The following PTPRT variants were observed in gnomAD, a reference collection of about 807,000 sequenced individuals.
PTPRT encodes the protein protein tyrosine phosphatase receptor type T.
In PTPRT, 56 loss-of-function variants were observed where a neutral mutation model predicts 176.8. That is an observed-to-expected ratio of 0.32 (90% CI 0.26 to 0.40). The LOEUF (loss-of-function observed/expected upper bound fraction) is 0.40. PTPRT is among the 10% of genes least tolerant of loss of function. The pLI is 1.00. For missense variants in PTPRT, 1,540 were observed against 1,908.2 expected (o/e 0.81, Z 3.60); for synonymous variants, 783 against 739.0 (o/e 1.06, Z -0.96).
intron 7 of PTPRT, among the ~76,000 whole-genome samples, chr20:42,594,426 C>T (rs1245450414): frequency 2.0e-5 from 3 of 152,210 alleles, no homozygotes; most frequent in East Asian, 1.9e-4. Context: ...TTGTAATGTT[C>T]GTTCTCTTTC....
chr20:42,055,353 T>A, the PTPRT span, among the ~76,000 whole-genome samples: 1 of 152,244 alleles, frequency 6.6e-6, no homozygotes, highest in Non-Finnish European at 1.5e-5. Context: ...TGCATTCTTT[T>A]GATGACTTAA....
intron 7 of PTPRT, among the ~76,000 whole-genome samples, chr20:42,487,851 T>C (rs1353356520): frequency 6.6e-6 from 1 of 152,216 alleles, no homozygotes; most frequent in Non-Finnish European, 1.5e-5. Flanking sequence ...ATTGCTCTGC[T>C]TATTTCTGTA....
At chr20:42,353,631 A>G (rs951049014) in intron 9 of PTPRT, among the ~76,000 whole-genome samples, 11 of 152,232 alleles carry the variant, frequency 7.2e-5, no homozygotes, top group African/African-American at 2.7e-4. Context: ...GGGTGAAAAT[A>G]ACAATTGGTA....
At chr20:42,845,252 GA>G (rs2078349158) in intron 2 of PTPRT, among the ~76,000 whole-genome samples, 1 of 151,478 alleles carries the variant, frequency 6.6e-6, no homozygotes, top group East Asian at 2.0e-4. Flanking sequence ...CCAGACTGGG[GA>G]AAGCTAAAGG....
At chr20:42,751,652 A>C (rs2076771749) in intron 6 of PTPRT, among the ~76,000 whole-genome samples, 1 of 152,154 alleles carries the variant, frequency 6.6e-6, no homozygotes, top group Non-Finnish European at 1.5e-5. Context: ...AAGGTGAAAG[A>C]AGCGGACTTG....
chr20:42,478,106 G>A (rs964047499), intron 7 of PTPRT, among the ~76,000 whole-genome samples: 18 of 152,216 alleles, frequency 1.2e-4, no homozygotes, highest in Non-Finnish European at 2.2e-4. Context: ...GATGGCCAAA[G>A]GATGGCTGTC....
At chr20:42,749,306 C>A (rs2076736427) in intron 6 of PTPRT, among the ~76,000 whole-genome samples, 1 of 152,148 alleles carries the variant, frequency 6.6e-6, no homozygotes, top group African/African-American at 2.4e-5. Context: ...CTCAGTGTCT[C>A]AAAACTAACC....
chr20:42,350,967 A>G (rs995723413), intron 10 of PTPRT, among the ~76,000 whole-genome samples: 11 of 152,250 alleles, frequency 7.2e-5, no homozygotes, highest in Non-Finnish European at 1.3e-4. Flanking sequence ...TCTGTCGAGT[A>G]ACCTGCATGA....
chr20:43,031,786 T>C (rs1483903878), intron 1 of PTPRT, among the ~76,000 whole-genome samples: 1 of 152,222 alleles, frequency 6.6e-6, no homozygotes, highest in Non-Finnish European at 1.5e-5. Flanking sequence ...TATAAGGGAC[T>C]GTCTCTGAAG....
chr20:42,707,812 A>G (rs528779961), intron 6 of PTPRT, among the ~76,000 whole-genome samples: 311 of 152,334 alleles, frequency 2.0e-3, no homozygotes, highest in Non-Finnish European at 3.6e-3. Flanking sequence ...AATGAGCTTG[A>G]AGCAGATTTT....
chr20:42,786,096 C>T (rs558093936), intron 3 of PTPRT, among the ~76,000 whole-genome samples: 1 of 152,132 alleles, frequency 6.6e-6, no homozygotes, highest in African/African-American at 2.4e-5. Context: ...CTCTCTCTTG[C>T]CTTCCACCAT....
chr20:42,982,246 G>A (rs1178038811), intron 1 of PTPRT, among the ~76,000 whole-genome samples: 6 of 152,178 alleles, frequency 3.9e-5, no homozygotes, highest in Non-Finnish European at 5.9e-5. Flanking sequence ...TTATGCTGCC[G>A]GCACGGGGCT....
Position 42,335,169 on chromosome 20 carries a change from T to C in PTPRT, c.1865+15459A>G, listed in dbSNP as rs985658580. Reference sequence around the variant, plus strand: ...TTGGAGTAGTCAAGTGTGGACAGTGTGGAAGTAAAATGTGGGGCTGAAAAG... The same window carrying C: ...TTGGAGTAGTCAAGTGTGGACAGTGCGGAAGTAAAATGTGGGGCTGAAAAG... On this transcript the variant is annotated intron_variant, in intron 11 of 30. Transcript: ENST00000373187. Among the ~76,000 whole-genome samples the C allele has an allele frequency of 7.2e-5, 11 of 152,140 alleles. 1 individual carries two copies. The highest frequency in any genetic ancestry group is 2.7e-4 in the African/African-American group (11 of 41,424).
rs543658629 is a variant in PTPRT at position 42,974,075 on chromosome 20, T to C, written c.89-88143A>G. ...GAGTGTCCTTAAGAGCCACTTGCCC[T>C]TAGTTAAGCACACCACCATCACCCA... is the stretch of plus-strand genomic sequence containing the variant. On this transcript the variant is annotated intron_variant, in intron 1 of 30. Coordinates refer to ENST00000373187, the MANE Select transcript of PTPRT (RefSeq NM_007050.6). Among the ~76,000 whole-genome samples, 7 of 152,210 alleles carry C rather than the reference T, an allele frequency of 4.6e-5. No individual in the cohort carries two copies. In the South Asian group the frequency reaches 1.5e-3, roughly 32 times the overall value.
At chr20:42,632,410 A>C (rs1388370375) in intron 7 of PTPRT, among the ~76,000 whole-genome samples, 1 of 151,798 alleles carries the variant, frequency 6.6e-6, no homozygotes, top group Non-Finnish European at 1.5e-5. Flanking sequence ...TTTTTAGTAG[A>C]GATGGGATTT....
the PTPRT span, among the ~76,000 whole-genome samples, chr20:42,044,372 A>G: frequency 6.6e-6 from 1 of 152,208 alleles, no homozygotes; most frequent in Non-Finnish European, 1.5e-5. Context: ...GGACTTTACA[A>G]CCACTCAGGC....
At chr20:42,730,016 C>A (rs6030443) in intron 6 of PTPRT, among the ~76,000 whole-genome samples, 46,701 of 152,098 alleles carry the variant, frequency 0.31, 8,384 homozygotes, top group African/African-American at 0.5. Flanking sequence ...CAAAAGCTCT[C>A]TGATGCAGGT....
chr20:42,793,894 G>A (rs2077413601), intron 2 of PTPRT, among the ~76,000 whole-genome samples: 2 of 152,172 alleles, frequency 1.3e-5, no homozygotes, highest in Admixed American at 6.5e-5. Context: ...TCTCCCAGCA[G>A]AGGCAGCAGC....
chr20:42,603,065 C>T (rs986684983), intron 7 of PTPRT, among the ~76,000 whole-genome samples: 1 of 152,178 alleles, frequency 6.6e-6, no homozygotes, highest in Non-Finnish European at 1.5e-5. Flanking sequence ...TGAGCACCAA[C>T]CACATACCGT....
Sources: allele counts gnomAD v4.1 joint callset (sites outside exome capture counted in the v4.1 genomes callset), GRCh38; gene constraint gnomAD v4.1.1; transcripts MANE v1.5; gene names NCBI Gene and HGNC (gene_info 2026-07-23, HGNC 2026-07-21).